NXN: variants seen among roughly 807,000 people sequenced by gnomAD.
NXN encodes the protein nucleoredoxin, also known as nucleoredoxin 1.
In NXN, 16 loss-of-function variants were observed where a neutral mutation model predicts 48.6. That is an observed-to-expected ratio of 0.33 (90% confidence interval 0.22 to 0.50). The LOEUF (loss-of-function observed/expected upper bound fraction) is 0.50, where lower values mean the gene tolerates loss of function less well. Ranked by LOEUF, NXN falls within the 20% of genes least tolerant of loss-of-function variation. The pLI, the probability that NXN is intolerant of heterozygous loss-of-function variation, is 0.98. For missense variants in NXN, 492 were observed against 605.5 expected (o/e 0.81, Z 1.97); for synonymous variants, 281 against 269.6 (o/e 1.04, Z -0.41).
intron 1 of NXN, among the ~76,000 whole-genome samples, chr17:922,253 C>G (rs2068757097): frequency 6.6e-6 from 1 of 152,024 alleles, no homozygotes; most frequent in African/African-American, 2.4e-5. Context: ...ACCAGCCTGG[C>G]CAACACGGTG....
chr17:915,884 C>CCCCTAAGATGGGCGGCCACTTATGGTGT (rs1405159846), intron 1 of NXN, among the ~76,000 whole-genome samples: 1 of 151,984 alleles, frequency 6.6e-6, no homozygotes, highest in Non-Finnish European at 1.5e-5. Context: ...GCTGGAACTT[C>CCCCTAAGATGGGCGGCCACTTATGGTGT]CAGCTGCTCC....
chr17:864,027 C>T, intron 1 of NXN: 1 of 1,528,780 alleles, frequency 6.5e-7, no homozygotes. Context: ...TTGCTGGGTT[C>T]CGGTGAAGGG....
Position 800,583 on chromosome 17 carries a change from G to A in NXN, c.*366C>T, listed in dbSNP as rs577957121. The A allele has an allele frequency of 3.0e-5, 5 of 164,812 alleles. No homozygotes were observed. Among genetic ancestry groups the A allele is most frequent in the Admixed American group, 6.4e-5 (1 of 15,644 alleles). 10.2% of individuals were successfully genotyped at this position (164,812 alleles called of 1,614,324 possible). A position where few individuals can be genotyped will look rare whatever the true frequency, so the allele number is the denominator to read the frequency against. On this transcript the variant is annotated 3_prime_UTR_variant, in exon 8 of 8. Transcript: ENST00000336868. ...CTGGCCGTCCGGGGCCGTGTGTGCC[G>A]ACGTCAGAGTCAGAGCCCGAGCGGG...
At chr17:913,821 C>T (rs1447011874) in intron 1 of NXN, among the ~76,000 whole-genome samples, 1 of 152,232 alleles carries the variant, frequency 6.6e-6, no homozygotes, top group Non-Finnish European at 1.5e-5. Flanking sequence ...CTGGCATAAA[C>T]TCACTTACTT....
At chr17:967,217 G>A (rs993719364) in intron 1 of NXN, among the ~76,000 whole-genome samples, 11 of 152,272 alleles carry the variant, frequency 7.2e-5, no homozygotes, top group East Asian at 1.9e-4. Flanking sequence ...TACACATCCC[G>A]GCCACAGTGA....
chr17:851,995 A>G (rs1347307255), intron 1 of NXN, among the ~76,000 whole-genome samples: 1 of 152,188 alleles, frequency 6.6e-6, no homozygotes, highest in East Asian at 1.9e-4. Context: ...AAAAAGCTGG[A>G]AAAAGCACGC....
intron 1 of NXN, among the ~76,000 whole-genome samples, chr17:914,102 A>T (rs1484967408): frequency 6.6e-6 from 1 of 151,870 alleles, no homozygotes. Context: ...GTTTCGCCAC[A>T]TTGGCCAGGC....
intron 1 of NXN, among the ~76,000 whole-genome samples, chr17:897,902 A>C (rs1022255072): frequency 6.6e-6 from 1 of 152,102 alleles, no homozygotes; most frequent in Non-Finnish European, 1.5e-5. Flanking sequence ...GCTGGTCTCG[A>C]ACTCCTCACC....
At chr17:899,047 T>C (rs2068513413) in intron 1 of NXN, among the ~76,000 whole-genome samples, 1 of 149,540 alleles carries the variant, frequency 6.7e-6, no homozygotes. Flanking sequence ...AACCTCTGCC[T>C]CCCGGGTTCA....
intron 1 of NXN, among the ~76,000 whole-genome samples, chr17:965,740 G>C (rs2150633813): frequency 6.6e-6 from 1 of 152,266 alleles, no homozygotes; most frequent in Middle Eastern, 3.4e-3. Flanking sequence ...ATAACACAGA[G>C]CTAAGAAGGG....
chr17:945,572 C>A (rs922764584), intron 1 of NXN, among the ~76,000 whole-genome samples: 1 of 147,600 alleles, frequency 6.8e-6, no homozygotes, highest in Non-Finnish European at 1.5e-5. Flanking sequence ...CAGAGCTTGC[C>A]GTGAGCCGAG....
At chr17:916,328 G>A (rs2068688411) in intron 1 of NXN, among the ~76,000 whole-genome samples, 1 of 152,164 alleles carries the variant, frequency 6.6e-6, no homozygotes, top group African/African-American at 2.4e-5. Context: ...TGCTGAAAAT[G>A]AGATTATTTA....
At chr17:828,115 T>G (rs901934980) in intron 1 of NXN, among the ~76,000 whole-genome samples, 2 of 151,586 alleles carry the variant, frequency 1.3e-5, no homozygotes, top group East Asian at 3.9e-4. Flanking sequence ...TGTTTTTTGG[T>G]TTTTTTTAAA....
At chr17:953,928 G>C (rs1300406067) in intron 1 of NXN, among the ~76,000 whole-genome samples, 2 of 152,212 alleles carry the variant, frequency 1.3e-5, no homozygotes, top group Non-Finnish European at 2.9e-5. Flanking sequence ...GGGTGCGGGA[G>C]GATGATGGTG....
chr17:859,203 C>T (rs992851563), intron 1 of NXN, among the ~76,000 whole-genome samples: 4 of 152,272 alleles, frequency 2.6e-5, no homozygotes, highest in African/African-American at 9.6e-5. Context: ...TCAGTCTGAG[C>T]CCACAACCAT....
chr17:834,156 C>G (rs934847994), intron 1 of NXN, among the ~76,000 whole-genome samples: 2 of 152,128 alleles, frequency 1.3e-5, no homozygotes, highest in African/African-American at 4.8e-5. Flanking sequence ...CCTATCACTC[C>G]ACAAAAAAAT....
rs766687171 is a variant in NXN, at chr17:873,179, A to G, written c.361-47101T>C. On this transcript the variant is annotated intron_variant, in intron 1 of 7. Coordinates refer to ENST00000336868, the MANE Select transcript of NXN (RefSeq NM_022463.5). ...GCTCTTGGGGCTTCTTAGCTTCTATAACCATGTGTGCCAATCCTTTATAAG... is the reference window on the plus strand; with the variant it reads ...GCTCTTGGGGCTTCTTAGCTTCTATGACCATGTGTGCCAATCCTTTATAAG... 1.2e-4 allele frequency among the ~76,000 whole-genome samples: 18 copies of G among 152,062 alleles called. 1 individual carries two copies. The highest frequency in any genetic ancestry group is 2.9e-5 in the Non-Finnish European group (2 of 68,016).
At chr17:815,266 G>GCAAAGCGCAGGGCC (rs1912402768) in intron 5 of NXN, among the ~76,000 whole-genome samples, 1 of 151,998 alleles carries the variant, frequency 6.6e-6, no homozygotes, top group East Asian at 1.9e-4. Flanking sequence ...CCTAAGCTCT[G>GCAAAGCGCAGGGCC]TAGGTTTTGA....
intron 1 of NXN, among the ~76,000 whole-genome samples, chr17:969,492 T>G (rs531282538): frequency 5.5e-4 from 84 of 152,328 alleles, no homozygotes; most frequent in Non-Finnish European, 1.1e-3. Flanking sequence ...TGCCCAGAGC[T>G]GGAAAACGCT....
Sources: allele counts gnomAD v4.1 joint callset (sites outside exome capture counted in the v4.1 genomes callset), GRCh38; gene constraint gnomAD v4.1.1; transcripts MANE v1.5; gene names NCBI Gene and HGNC (gene_info 2026-07-23, HGNC 2026-07-21).